The following LRP1B variants were observed in gnomAD, a reference collection of about 807,000 sequenced individuals.
The protein encoded by LRP1B is low-density lipoprotein receptor-related protein 1B.
LRP1B carries 217 observed loss-of-function variants against 556.6 expected under a neutral mutation model. That is an observed-to-expected ratio of 0.39 (90% CI 0.35 to 0.44). The LOEUF (loss-of-function observed/expected upper bound fraction) is 0.44, where lower values mean the gene tolerates loss of function less well. Ranked by LOEUF, LRP1B falls within the 20% of genes least tolerant of loss-of-function variation. The probability of loss-of-function intolerance (pLI) is 1.00; values close to 1 mark genes in which losing one functional copy is unlikely to be tolerated. For synonymous variants in LRP1B, 2,047 were observed against 1,865.8 expected (o/e 1.10, Z -2.50); for missense variants, 5,053 against 5,620.8 (o/e 0.90, Z 3.23).
chr2:141,935,095 T>A (rs933697776), intron 1 of LRP1B, among the ~76,000 whole-genome samples: 1 of 152,128 alleles, frequency 6.6e-6, no homozygotes, highest in Admixed American at 6.6e-5. Context: ...AATTTCTCCA[T>A]TGTAAAAATA....
At chr2:142,117,222 T>C (rs949231751) in intron 1 of LRP1B, among the ~76,000 whole-genome samples, 1 of 152,144 alleles carries the variant, frequency 6.6e-6, no homozygotes, top group Non-Finnish European at 1.5e-5. Context: ...TAAGTCACAA[T>C]TGGGTCTAAT....
intron 59 of LRP1B, among the ~76,000 whole-genome samples, chr2:140,475,547 A>G (rs1017052415): frequency 6.6e-6 from 1 of 150,794 alleles, no homozygotes; most frequent in African/African-American, 2.4e-5. Flanking sequence ...AACTTTAAAC[A>G]TATGTTTATT....
chr2:141,118,956 AAC>A (rs1700974578), intron 7 of LRP1B, among the ~76,000 whole-genome samples: 1 of 151,894 alleles, frequency 6.6e-6, no homozygotes, highest in Admixed American at 6.6e-5. Context: ...ATATAGTTAA[AAC>A]AAAGAAAAAA....
chr2:140,404,036 AG>A (rs1337485895), intron 66 of LRP1B, among the ~76,000 whole-genome samples: 2 of 152,200 alleles, frequency 1.3e-5, no homozygotes, highest in African/African-American at 4.8e-5. Flanking sequence ...TCATATAGAA[AG>A]GAAAAATAAA....
chr2:141,263,281 A>G (rs1684769761), intron 3 of LRP1B, among the ~76,000 whole-genome samples: 1 of 152,086 alleles, frequency 6.6e-6, no homozygotes, highest in South Asian at 2.1e-4. Context: ...CATTACAAAT[A>G]TCAAATTAGA....
At chr2:140,611,161 A>C (rs1407094361) in intron 41 of LRP1B, among the ~76,000 whole-genome samples, 1 of 152,178 alleles carries the variant, frequency 6.6e-6, no homozygotes, top group Non-Finnish European at 1.5e-5. Context: ...TATGTGAGTG[A>C]GTTTCTGAAC....
intron 1 of LRP1B, among the ~76,000 whole-genome samples, chr2:142,100,510 G>A (rs1469608581): frequency 6.6e-6 from 1 of 151,936 alleles, no homozygotes; most frequent in African/African-American, 2.4e-5. Flanking sequence ...ATTTCTTTGG[G>A]AAGTGGGCAT....
At chr2:141,344,329 C>A (rs1249123678) in intron 3 of LRP1B, among the ~76,000 whole-genome samples, 2 of 152,168 alleles carry the variant, frequency 1.3e-5, no homozygotes, top group Non-Finnish European at 2.9e-5. Flanking sequence ...TGTTATCATT[C>A]TGAACTCATC....
chr2:141,698,223 C>G (rs1284704647), intron 2 of LRP1B, among the ~76,000 whole-genome samples: 3 of 151,714 alleles, frequency 2.0e-5, no homozygotes, highest in Non-Finnish European at 4.4e-5. Context: ...GAGTATAGAA[C>G]CTCTAGGTGC....
intron 20 of LRP1B, among the ~76,000 whole-genome samples, chr2:140,946,817 T>G (rs1483056133): frequency 6.6e-6 from 1 of 152,180 alleles, no homozygotes; most frequent in Non-Finnish European, 1.5e-5. Flanking sequence ...ATGTGATACA[T>G]GTATACCATG....
chr2:141,391,695 A>T (rs1319451663), intron 3 of LRP1B, among the ~76,000 whole-genome samples: 1 of 152,212 alleles, frequency 6.6e-6, no homozygotes, highest in African/African-American at 2.4e-5. Flanking sequence ...AGGAAAGAGA[A>T]ACTAGATGAA....
chr2:141,686,511 G>A (rs1691309687), intron 2 of LRP1B, among the ~76,000 whole-genome samples: 1 of 151,690 alleles, frequency 6.6e-6, no homozygotes, highest in Non-Finnish European at 1.5e-5. Flanking sequence ...TAGTCTAATG[G>A]TATTATAGAT....
chr2:141,727,105 A>T (rs909434865), intron 2 of LRP1B, among the ~76,000 whole-genome samples: 3 of 152,132 alleles, frequency 2.0e-5, no homozygotes, highest in Admixed American at 6.6e-5. Context: ...AATGGGCTAA[A>T]ATTTGTTATT....
intron 3 of LRP1B, among the ~76,000 whole-genome samples, chr2:141,464,803 G>A (rs910380095): frequency 1.3e-5 from 2 of 151,190 alleles, no homozygotes; most frequent in African/African-American, 2.4e-5. Flanking sequence ...AAAACCATGT[G>A]GTAAGAATGG....
At chr2:140,850,037 A>C in intron 29 of LRP1B, 65 bp downstream of exon 29, 1 of 1,015,588 alleles carries the variant, frequency 9.8e-7, no homozygotes, top group Non-Finnish European at 1.5e-6. Context: ...AATATAAAAG[A>C]TTTGTGATTA....
intron 2 of LRP1B, among the ~76,000 whole-genome samples, chr2:141,668,933 A>G (rs1467112160): frequency 2.6e-5 from 4 of 152,152 alleles, no homozygotes; most frequent in Admixed American, 6.5e-5. Context: ...GGGTTTGAGC[A>G]TGCAGCAACC....
intron 2 of LRP1B, among the ~76,000 whole-genome samples, chr2:141,642,007 AACC>A (rs1558774488): frequency 7.5e-4 from 105 of 140,026 alleles, no homozygotes; most frequent in Admixed American, 1.9e-3. Context: ...AAACAAACAA[AACC>A]CCCCCCCAAA....
intron 7 of LRP1B, among the ~76,000 whole-genome samples, chr2:141,138,885 T>G (rs1216402420): frequency 3.3e-5 from 5 of 151,832 alleles, no homozygotes. Flanking sequence ...CATAGAAATT[T>G]GAAAGACCTA....
At chr2:140,364,820 A>G (rs775864035) in intron 71 of LRP1B, 37 bp from the exon 72 acceptor site, 16 of 1,599,712 alleles carry the variant, frequency 1.0e-5, no homozygotes, top group African/African-American at 2.7e-5. Context: ...AGAGATTCAG[A>G]GTAATCAGTG....
Sources: allele counts gnomAD v4.1 joint callset (sites outside exome capture counted in the v4.1 genomes callset), GRCh38; gene constraint gnomAD v4.1.1; transcripts MANE v1.5; gene names NCBI Gene and HGNC (gene_info 2026-07-23, HGNC 2026-07-21).